Variants in SRCIN1 observed in about 807,000 individuals in gnomAD.
The protein encoded by SRCIN1 is SRC kinase signaling inhibitor 1.
In SRCIN1, 50 loss-of-function variants were observed where a neutral mutation model predicts 116.2. The observed-to-expected ratio is 0.43, with a 90% CI of 0.34 to 0.54. SRCIN1 has a LOEUF of 0.54. Ranked by LOEUF, SRCIN1 falls within the 20% of genes least tolerant of loss-of-function variation. The pLI is 0.02. For missense variants in SRCIN1, 1,446 were observed against 1,672.0 expected, an observed-to-expected ratio of 0.86 and a Z score of 2.36; for synonymous variants, 736 against 750.0, an observed-to-expected ratio of 0.98 and a Z score of 0.30.
chr17:38,555,565 TAA>T (rs1281869799), intron 11 of SRCIN1, among the ~76,000 whole-genome samples: 3 of 152,202 alleles, frequency 2.0e-5, no homozygotes, highest in African/African-American at 7.2e-5. Flanking sequence ...TTAGCTATCC[TAA>T]GACTCTGGCA....
At chr17:38,571,298 A>G (rs1374860382) in intron 2 of SRCIN1, among the ~76,000 whole-genome samples, 1 of 152,180 alleles carries the variant, frequency 6.6e-6, no homozygotes, top group African/African-American at 2.4e-5. Context: ...TGCCCAGTAC[A>G]GTACCTGGTG....
Position 38,551,175 on chromosome 17 carries a change from G to T in SRCIN1, c.2942C>A (p.Pro981His). Residue 981 changes from proline (P) to histidine (H), a missense_variant, in exon 15 of 19, where the codon CCC (proline) becomes CAC (histidine). Pro to His is a moderately conservative substitution (Grantham distance 77). Transcript: ENST00000617146. ...HGQKAAPRTEPSGRRGSDELT... is the reference protein window; with the variant it reads ...HGQKAAPRTEHSGRRGSDELT... ...CATACCTGAGCCCCTCCTCCCACTG[G>T]GCTCCGTTCGGGGGGCTGCCTTCTG... 1.3e-6 allele frequency: 2 copies of T among 1,565,834 alleles called. No homozygotes were observed. Among genetic ancestry groups the T allele is most frequent in the Non-Finnish European group, 8.7e-7 (1 of 1,148,012 alleles).
chr17:38,567,172 TGGGATTACA>T (rs1389965381), intron 3 of SRCIN1, among the ~76,000 whole-genome samples: 3 of 152,252 alleles, frequency 2.0e-5, no homozygotes, highest in Non-Finnish European at 4.4e-5. Flanking sequence ...CCGAAAGTGC[TGGGATTACA>T]GGCGTGAGCC....
intron 1 of SRCIN1, among the ~76,000 whole-genome samples, chr17:38,580,360 G>C (rs1173208209): frequency 1.3e-5 from 2 of 152,114 alleles, no homozygotes; most frequent in Non-Finnish European, 2.9e-5. Flanking sequence ...CACAGAGCCT[G>C]CGAGGACCCA....
intron 18 of SRCIN1, 145 bp downstream of exon 18, chr17:38,543,678 G>A (rs1904890737): frequency 1.7e-6 from 2 of 1,205,630 alleles, no homozygotes; most frequent in Non-Finnish European, 2.3e-6. Context: ...CAGGGGGTGG[G>A]TGGGGCAGTC....
Position 38,604,277 on chromosome 17 carries a change from C to T in SRCIN1, c.22+1407G>A, listed in dbSNP as rs1292813435. Among the ~76,000 whole-genome samples, 1 of 152,172 alleles carries T rather than the reference C, an allele frequency of 6.6e-6. No individual in the cohort carries two copies. The highest frequency in any genetic ancestry group is 2.4e-5 in the African/African-American group (1 of 41,428). On this transcript the variant is annotated intron_variant, in intron 1 of 18. Transcript: ENST00000617146. This position sits in a 1 kb window ranked among gnomAD's most constrained non-coding sequence, Gnocchi z 4.3. ...TGGTCAGCTTCCCTCACTCCCAAGC[C>T]TCACCTGTTTCTCCCTTCCCCAAAA... is the stretch of plus-strand genomic sequence containing the variant.
chr17:38,584,761 C>G (rs1908025595), intron 1 of SRCIN1, among the ~76,000 whole-genome samples: 1 of 152,186 alleles, frequency 6.6e-6, no homozygotes, highest in South Asian at 2.1e-4. Flanking sequence ...ATCTTTACCC[C>G]GGATGTAACC....
In SRCIN1 at chr17:38,563,181, G is replaced by T; in HGVS notation, c.740+142C>A. ...GGGGCTGAGATGGCCGAGGAAGGGG[G>T]CGGGGCGGTAGGGCTCTGGGAGGGG... On this transcript the variant is annotated intron_variant, in intron 5 of 18. Transcript: ENST00000617146. This position sits in a 1 kb window ranked among gnomAD's most constrained non-coding sequence, Gnocchi z 5.8. The T allele has an allele frequency of 1.1e-6, 1 of 931,442 alleles. No homozygotes were observed. The highest frequency in any genetic ancestry group is 1.6e-6 in the Non-Finnish European group (1 of 625,646). 57.7% of individuals were successfully genotyped at this position (931,442 alleles called of 1,614,324 possible). A position where few individuals can be genotyped will look rare whatever the true frequency, so the allele number is the denominator to read the frequency against.
Position 38,533,095 on chromosome 17 carries a change from T to TAAAAAAAAAAAAA in SRCIN1, c.*189_*201dup, listed in dbSNP as rs79154508. 3 of 260,660 alleles carry TAAAAAAAAAAAAA rather than the reference T, an allele frequency of 1.2e-5. No homozygotes were observed. The highest frequency in any genetic ancestry group is 3.0e-5 in the African/African-American group (1 of 33,490). 16.1% of individuals were successfully genotyped at this position (260,660 alleles called of 1,614,324 possible). A position where few individuals can be genotyped will look rare whatever the true frequency, so the allele number is the denominator to read the frequency against. On this transcript the variant is annotated 3_prime_UTR_variant, in exon 19 of 19. Coordinates refer to ENST00000617146, the MANE Select transcript of SRCIN1 (RefSeq NM_025248.3). Reference sequence around the variant, plus strand: ...AAAAAGATAATTAAAAGTTAATTGTTAAAAAAAAAAAAAAAAACAAAACCA... The same window carrying TAAAAAAAAAAAAA: ...AAAAAGATAATTAAAAGTTAATTGTTAAAAAAAAAAAAAAAAAAAAAAAAAAAAAACAAAACCA...
At chr17:38,578,344 T>C in intron 2 of SRCIN1, 146 bp downstream of exon 2, 1 of 1,091,414 alleles carries the variant, frequency 9.2e-7, no homozygotes, top group Non-Finnish European at 1.3e-6. Flanking sequence ...GAGGGACAAC[T>C]CCCCAACTCC....
intron 1 of SRCIN1, 77 bp downstream of exon 1, chr17:38,605,606 GA>G: frequency 4.2e-6 from 5 of 1,203,526 alleles, no homozygotes; most frequent in South Asian, 1.6e-5. Flanking sequence ...GGCCGAGGGG[GA>G]AAACACACAA....
intron 2 of SRCIN1, among the ~76,000 whole-genome samples, chr17:38,569,812 G>C (rs1243863696): frequency 6.6e-6 from 1 of 152,180 alleles, no homozygotes; most frequent in Non-Finnish European, 1.5e-5. Flanking sequence ...CAGGTACTGA[G>C]GGTAGGGGAG....
chr17:38,577,498 C>A (rs976373805), intron 2 of SRCIN1, among the ~76,000 whole-genome samples: 1 of 152,176 alleles, frequency 6.6e-6, no homozygotes, highest in African/African-American at 2.4e-5. Flanking sequence ...TGGGGACACT[C>A]CTCCCCATCC....
Position 38,563,056 on chromosome 17 carries a change from GC to G in SRCIN1, c.741-137del. On this transcript the variant is annotated intron_variant, in intron 5 of 18. Transcript: ENST00000617146. This position sits in a 1 kb window ranked among gnomAD's most constrained non-coding sequence, Gnocchi z 5.8. Reference sequence around the variant, plus strand: ...CCCATCTCAGGCTGCCTGCACACACGCCCAGCAGCCTCCACCCCGGCCTCTT... The same window carrying G: ...CCCATCTCAGGCTGCCTGCACACACGCCAGCAGCCTCCACCCCGGCCTCTT... 2.4e-6 allele frequency: 2 copies of G among 816,532 alleles called. No homozygotes were observed. Among genetic ancestry groups the G allele is most frequent in the Non-Finnish European group, 3.9e-6 (2 of 511,122 alleles). 50.6% of individuals were successfully genotyped at this position (816,532 alleles called of 1,614,324 possible).
chr17:38,575,191 T>TG (rs1202970110), intron 2 of SRCIN1, among the ~76,000 whole-genome samples: 1 of 152,226 alleles, frequency 6.6e-6, no homozygotes, highest in Non-Finnish European at 1.5e-5. Context: ...CTGTTAGACC[T>TG]GGGGGTTCCC....
intron 18 of SRCIN1, among the ~76,000 whole-genome samples, chr17:38,540,020 CAAA>C (rs71138631): frequency 0.012 from 761 of 60,940 alleles, 4 homozygotes; most frequent in African/African-American, 0.041. Flanking sequence ...GACTCCATCT[CAAA>C]AAAAAAAAAA....
chr17:38,538,416 C>CAAAAAA (rs536827040), intron 18 of SRCIN1, among the ~76,000 whole-genome samples: 1 of 100,504 alleles, frequency 9.9e-6, no homozygotes, highest in African/African-American at 3.7e-5. Context: ...GACTCCGTCT[C>CAAAAAA]AAAAAAAAAA....
Position 38,559,688 on chromosome 17 carries a change from T to C in SRCIN1, c.1922A>G (p.Gln641Arg), listed in dbSNP as rs1490571202. ...CTGCAGCCGGCTAACGGCGGTAGGCTGACCTGCGGGGGTGCTGCTGGCCGA... is the reference window on the plus strand; with the variant it reads ...CTGCAGCCGGCTAACGGCGGTAGGCCGACCTGCGGGGGTGCTGCTGGCCGA... ...PPSASSTPAG[Q>R]PTAVSRLQMQ... The change falls in exon 10 of 19, where the codon CAG becomes CGG. Residue 641 changes from glutamine to arginine, a missense_variant. This residue lies in a region of SRCIN1 where 398 missense variants were observed against 385.6 expected (regional missense o/e 1.03). Coordinates refer to ENST00000617146, the MANE Select transcript of SRCIN1 (RefSeq NM_025248.3). 1.9e-6 allele frequency: 3 copies of C among 1,594,042 alleles called. No individual in the cohort carries two copies. The highest frequency in any genetic ancestry group is 2.6e-6 in the Non-Finnish European group (3 of 1,176,192).
intron 1 of SRCIN1, among the ~76,000 whole-genome samples, chr17:38,580,345 A>AG (rs1907716633): frequency 6.6e-6 from 1 of 152,080 alleles, no homozygotes; most frequent in Non-Finnish European, 1.5e-5. Context: ...TGTGTCCATT[A>AG]GGGGCACAGA....
Sources: allele counts gnomAD v4.1 joint callset (sites outside exome capture counted in the v4.1 genomes callset), GRCh38; gene constraint gnomAD v4.1.1; regional missense constraint gnomAD v4.1.1; non-coding constraint Gnocchi (gnomAD v3.1); transcripts MANE v1.5; gene names NCBI Gene and HGNC (gene_info 2026-07-23, HGNC 2026-07-21).